Variants in NLRP2 observed in about 807,000 individuals in gnomAD.
NLRP2 encodes the protein NACHT, LRR and PYD domains-containing protein 2.
In NLRP2, 107 loss-of-function variants were observed where a neutral mutation model predicts 97.2. The ratio of observed to expected loss-of-function variants is 1.10; its 90% confidence interval spans 0.94 to 1.29. The LOEUF (loss-of-function observed/expected upper bound fraction) is 1.29, where lower values mean the gene tolerates loss of function less well. Among genes scored for constraint, NLRP2 ranks in the 50% most tolerant of loss-of-function variants. The pLI, the probability that NLRP2 is intolerant of heterozygous loss-of-function variation, is 0.00. For synonymous variants in NLRP2, 663 were observed against 551.5 expected (o/e 1.20, Z -2.83); for missense variants, 1,495 against 1,330.3 (o/e 1.12, Z -1.93).
intron 10 of NLRP2, among the ~76,000 whole-genome samples, chr19:54,992,556 C>CTTTTTTTTTTTTTTTTTTT (rs71181721): frequency 2.4e-5 from 2 of 82,540 alleles, no homozygotes; most frequent in African/African-American, 5.2e-5. Context: ...GGGGGGTTTT[C>CTTTTTTTTTTTTTTTTTTT]TTTTTTTTTT....
Position 54,990,554 on chromosome 19 carries a change from T to G in NLRP2, c.2590T>G (p.Leu864Val). ...EANCKDLAAVLVVSRELTHLC... is the reference protein window; with the variant it reads ...EANCKDLAAVVVVSRELTHLC... ...CAATTGCAAGGACCTTGCTGCTGTG[T>G]TGGTTGTCAGCCGGGAGCTGACACA... The change falls in exon 10 of 13, where the codon TTG becomes GTG. Residue 864 changes from leucine (L) to valine (V), a missense_variant. Leu to Val is a conservative substitution (Grantham distance 32, BLOSUM62 1). Transcript: ENST00000448584. 1 of 1,614,214 alleles carries G rather than the reference T, an allele frequency of 6.2e-7. No homozygotes were observed. The highest frequency in any genetic ancestry group is 8.5e-7 in the Non-Finnish European group (1 of 1,180,030).
In NLRP2 at chr19:54,989,591, A is replaced by G. The variant is rs2072322621; in HGVS notation, c.2367-431A>G. ...GGGCGATGTTGGTGCCACTGGTCTG[A>G]CCACCCTTTGACAACTGCTGCTCCA... is the stretch of plus-strand genomic sequence containing the variant. On this transcript the variant is annotated intron_variant, in intron 8 of 12. Transcript: ENST00000448584. 6 of 278,530 alleles carry G rather than the reference A, an allele frequency of 2.2e-5. No homozygotes were observed. The South Asian group carries it at 2.5e-4, about 12-fold the overall frequency. 17.3% of individuals were successfully genotyped at this position (278,530 alleles called of 1,614,324 possible).
chr19:54,974,887 C>G (rs895175543), intron 3 of NLRP2, among the ~76,000 whole-genome samples: 4 of 152,048 alleles, frequency 2.6e-5, no homozygotes, highest in African/African-American at 9.7e-5. Flanking sequence ...GCAACCTCTA[C>G]CTCCTGGGTT....
chr19:54,985,680 A>AG (rs1257180336), intron 7 of NLRP2, among the ~76,000 whole-genome samples: 8 of 131,926 alleles, frequency 6.1e-5, no homozygotes, highest in Non-Finnish European at 1.1e-4. Flanking sequence ...TGCGTCTCAA[A>AG]AAAAAAAAAA....
chr19:54,966,944 C>T (rs903182497), intron 1 of NLRP2, among the ~76,000 whole-genome samples: 1 of 149,672 alleles, frequency 6.7e-6, no homozygotes, highest in Non-Finnish European at 1.5e-5. Flanking sequence ...CAGGTTCAAG[C>T]AGTCCTCACG....
intron 4 of NLRP2, 65 bp downstream of exon 4, chr19:54,977,888 C>A (rs2071346928): frequency 6.9e-7 from 1 of 1,439,092 alleles, no homozygotes; most frequent in South Asian, 1.1e-5. Context: ...CTGCTATCTC[C>A]TGTTCCTTTG....
Position 54,990,186 on chromosome 19 carries a change from G to A in NLRP2, c.2531G>A (p.Arg844Lys). The A allele has an allele frequency of 2.5e-6, 4 of 1,614,092 alleles. No individual in the cohort carries two copies. Among genetic ancestry groups the A allele is most frequent in the Non-Finnish European group, 3.4e-6 (4 of 1,180,008 alleles). Residue 844 changes from arginine (R) to lysine (K), a missense_variant, in exon 9 of 13, where the codon AGG becomes AAG. By Grantham distance (26) the Arg-to-Lys change is conservative. Transcript: ENST00000448584. ...AGACACCCCAAGTGCTTTCTGCAGA[G>A]GTTGTCGTAAGTCTCTCCTCTCTTA... ...TLRHPKCFLQ[R>K]LSLENCHLTE... is the part of the protein sequence containing the mutation.
At chr19:54,979,080 G>T (rs569976828) in intron 4 of NLRP2, among the ~76,000 whole-genome samples, 50 of 151,880 alleles carry the variant, frequency 3.3e-4, no homozygotes, top group African/African-American at 1.2e-3. Flanking sequence ...TGCCTCCTGG[G>T]TTCAAGGGGT....
intron 6 of NLRP2, among the ~76,000 whole-genome samples, chr19:54,984,325 T>TGTG (rs113372091): frequency 0.022 from 2,201 of 102,140 alleles, 115 homozygotes; most frequent in Non-Finnish European, 0.029. Context: ...GGGTTTTTTT[T>TGTG]TGTGTTTTTT....
In NLRP2 at chr19:54,983,295, G is replaced by A. The variant is rs1183629232; in HGVS notation, c.1597G>A (p.Gly533Arg). ...EDRDGHTWDI[G>R]DVQKLLSGVE... is the part of the protein sequence containing the mutation. ...TAGGGACGGCCACACCTGGGACATTGGGGACGTACAGAAGCTGCTTTCCGG... is the reference window on the plus strand; with the variant it reads ...TAGGGACGGCCACACCTGGGACATTAGGGACGTACAGAAGCTGCTTTCCGG... Residue 533 changes from glycine to arginine, a missense_variant, in exon 6 of 13, where the codon GGG (glycine) becomes AGG (arginine). Coordinates refer to ENST00000448584, the MANE Select transcript of NLRP2 (RefSeq NM_017852.5). The A allele has an allele frequency of 5.0e-6, 8 of 1,614,048 alleles. No homozygotes were observed. In the East Asian group the frequency reaches 1.1e-4, roughly 22 times the overall value.
At chr19:54,969,036 C>T (rs147063135) in intron 1 of NLRP2, among the ~76,000 whole-genome samples, 352 of 152,188 alleles carry the variant, frequency 2.3e-3, no homozygotes, top group African/African-American at 7.9e-3. Flanking sequence ...CCAGTTTTCA[C>T]GAAGTTTCTT....
upstream of NLRP2, chr19:54,965,368 G>C (rs2070323078): frequency 9.7e-6 from 1 of 102,680 alleles, no homozygotes; most frequent in Non-Finnish European, 2.0e-5. Flanking sequence ...GTAGGGCCAG[G>C]TGTTGGGAGG....
rs1488406696 is a variant in NLRP2, at chr19:54,975,434, T to A, written c.325+890T>A. Among the ~76,000 whole-genome samples the A allele has an allele frequency of 2.9e-5, 4 of 136,008 alleles. 2 individuals carry two copies. Among genetic ancestry groups the A allele is most frequent in the African/African-American group, 1.1e-4 (4 of 34,974 alleles). The allele number at this position is 136,008 out of a possible 152,430, so 89.2% of individuals were successfully genotyped here. Reference sequence around the variant, plus strand: ...TGACACCTGGCCCTTACCAGCTACTTATATCCTGAAGATTATTATTATTTT... The same window carrying A: ...TGACACCTGGCCCTTACCAGCTACTAATATCCTGAAGATTATTATTATTTT... On this transcript the variant is annotated intron_variant, in intron 3 of 12. Coordinates refer to ENST00000448584, the MANE Select transcript of NLRP2 (RefSeq NM_017852.5).
intron 3 of NLRP2, among the ~76,000 whole-genome samples, chr19:54,974,988 A>T (rs533861934): frequency 6.6e-6 from 1 of 150,588 alleles, no homozygotes; most frequent in African/African-American, 2.4e-5. Context: ...GTTTGTAGAG[A>T]TGGGGTTTCA....
chr19:54,992,474 C>G (rs1164504187), intron 10 of NLRP2, among the ~76,000 whole-genome samples: 1 of 139,348 alleles, frequency 7.2e-6, no homozygotes, highest in East Asian at 2.1e-4. Flanking sequence ...ACTGTATCTT[C>G]AAATGAATGT....
At chr19:54,988,802 G>A (rs1602401559) in intron 8 of NLRP2, among the ~76,000 whole-genome samples, 1 of 152,104 alleles carries the variant, frequency 6.6e-6, no homozygotes, top group East Asian at 1.9e-4. Flanking sequence ...ACAGGCATGA[G>A]CCACTGTGCC....
intron 7 of NLRP2, among the ~76,000 whole-genome samples, chr19:54,985,893 G>A (rs2072040512): frequency 6.6e-6 from 1 of 151,860 alleles, no homozygotes; most frequent in Non-Finnish European, 1.5e-5. Flanking sequence ...AGCTACTCCG[G>A]ATGCTGAGGG....
At chr19:54,995,632 G>T (rs75067821) in intron 11 of NLRP2, among the ~76,000 whole-genome samples, 1,850 of 152,108 alleles carry the variant, frequency 0.012, 13 homozygotes, top group South Asian at 0.017. Flanking sequence ...GCCAGAAAAT[G>T]CTGGCTCTAT....
Position 54,983,444 on chromosome 19 carries a change from A to G in NLRP2, c.1746A>G (p.Lys582=). The G allele has an allele frequency of 6.2e-7, 1 of 1,614,222 alleles. No homozygotes were observed. Among genetic ancestry groups the G allele is most frequent in the Non-Finnish European group, 8.5e-7 (1 of 1,180,040 alleles). Residue 582 remains lysine, a synonymous_variant, in exon 6 of 13, where the codon AAA becomes AAG. Coordinates refer to ENST00000448584, the MANE Select transcript of NLRP2 (RefSeq NM_017852.5). ...TFGCRMSPDI[K]QELLRCDISC... ...GCTGCCGGATGTCACCGGACATCAA[A>G]CAGGAATTGCTGCGATGCGACATAA...
Sources: allele counts gnomAD v4.1 joint callset (sites outside exome capture counted in the v4.1 genomes callset), GRCh38; gene constraint gnomAD v4.1.1; transcripts MANE v1.5; gene names NCBI Gene and HGNC (gene_info 2026-07-23, HGNC 2026-07-21).